Variants in CEP152 observed in about 807,000 individuals in gnomAD.
The protein encoded by CEP152 is centrosomal protein 152, also known as centrosomal protein of 152 kDa.
CEP152 carries 132 observed loss-of-function variants against 188.9 expected under a neutral mutation model. The ratio of observed to expected loss-of-function variants is 0.70; its 90% CI spans 0.61 to 0.81. The LOEUF is 0.81. Ranked by LOEUF, CEP152 falls within the 30% of genes least tolerant of loss-of-function variation. CEP152 has a pLI of 0.00. For missense variants in CEP152, 1,914 were observed against 1,969.8 expected (o/e 0.97, Z 0.54); for synonymous variants, 649 against 666.6 (o/e 0.97, Z 0.41).
At chr15:48,808,697 G>A (rs1898149911) in intron 1 of CEP152, among the ~76,000 whole-genome samples, 1 of 151,724 alleles carries the variant, frequency 6.6e-6, no homozygotes, top group South Asian at 2.1e-4. Context: ...TATTTTGTAT[G>A]GCTCATGAGT....
At chr15:48,797,904 T>C (rs138728416) in intron 3 of CEP152, 44 bp downstream of exon 3, 2 of 1,534,406 alleles carry the variant, frequency 1.3e-6, no homozygotes, top group African/African-American at 2.7e-5. Context: ...GAAAAAGACT[T>C]ATAGAATTGC....
intron 8 of CEP152, 169 bp from the exon 9 acceptor site, chr15:48,789,170 A>C: frequency 1.5e-6 from 1 of 656,206 alleles, no homozygotes; most frequent in Non-Finnish European, 2.7e-6. Context: ...AAACAACCCT[A>C]GCTGGGACCC....
chr15:48,805,711 A>G, intron 1 of CEP152, 55 bp from the exon 2 acceptor site: 1 of 1,608,984 alleles, frequency 6.2e-7, no homozygotes, highest in Non-Finnish European at 8.5e-7. Flanking sequence ...TCTCCCCAGG[A>G]CAAACTACAT....
At position 48,767,445 on chromosome 15, in the gene CEP152, CTGA is replaced by C. The variant is rs754565020; in HGVS notation, c.2034_2036del (p.Tyr678_Gln679delinsTer). Reference sequence around the variant, plus strand: ...GAGTTTTCATGGCTTCATGGTGCTGCTGATAAGTCCTTTCACACCTGGAAACAG... The same window carrying C: ...GAGTTTTCATGGCTTCATGGTGCTGCTAAGTCCTTTCACACCTGGAAACAG... On this transcript the variant is annotated stop_gained and inframe_deletion, in exon 16 of 27. Coordinates refer to ENST00000380950, the MANE Select transcript of CEP152 (RefSeq NM_001194998.2). LOFTEE classifies it high-confidence loss of function. 8 of 1,614,132 alleles carry C rather than the reference CTGA, an allele frequency of 5.0e-6. No homozygotes were observed. Among genetic ancestry groups the C allele is most frequent in the African/African-American group, 1.3e-5 (1 of 75,050 alleles).
At chr15:48,752,155 A>G (rs1893918722) in intron 21 of CEP152, among the ~76,000 whole-genome samples, 194 bp downstream of exon 21, 1 of 152,232 alleles carries the variant, frequency 6.6e-6, no homozygotes, top group Non-Finnish European at 1.5e-5. Flanking sequence ...TGAAGGGAAA[A>G]CCATAAATAG....
chr15:48,729,409 T>C (rs1444255006), intron 2 of CEP152: 1 of 152,110 alleles, frequency 6.6e-6, no homozygotes, highest in Non-Finnish European at 1.5e-5. Context: ...CAGTGCTGTG[T>C]ACCTGTAGTC....
chr15:48,766,106 GTTC>G (rs1430382235), intron 17 of CEP152, among the ~76,000 whole-genome samples: 1 of 151,966 alleles, frequency 6.6e-6, no homozygotes, highest in African/African-American at 2.4e-5. Flanking sequence ...CCCTTTAGAA[GTTC>G]TTTTTCCACT....
intron 5 of CEP152, 51 bp from the exon 6 acceptor site, chr15:48,796,211 A>G (rs1167649730): frequency 1.2e-6 from 2 of 1,601,368 alleles, no homozygotes; most frequent in African/African-American, 2.7e-5. Context: ...TTCTTCCAAA[A>G]TTATCTGAAT....
intron 7 of CEP152, 81 bp downstream of exon 7, chr15:48,793,240 G>A (rs1245554741): frequency 6.5e-7 from 1 of 1,542,248 alleles, no homozygotes; most frequent in Non-Finnish European, 8.9e-7. Flanking sequence ...TACTCTCTAA[G>A]CTTCGTATGT....
In CEP152 at chr15:48,781,208, G is replaced by T; in HGVS notation, c.1565C>A (p.Ser522Tyr). The T allele has an allele frequency of 6.2e-7, 1 of 1,613,254 alleles. No homozygotes were observed. The highest frequency in any genetic ancestry group is 2.2e-5 in the East Asian group (1 of 44,730). ...ATTCTTTCCATACCTGGTAACTTTGGATTTTTTCCAGTTGACCTTTTTAAT... is the reference window on the plus strand; with the variant it reads ...ATTCTTTCCATACCTGGTAACTTTGTATTTTTTCCAGTTGACCTTTTTAAT... ...LGIKKVNWKK[S>Y]KVTSIVQEED... Residue 522 changes from serine (S) to tyrosine (Y), a missense_variant, in exon 12 of 27, where the codon TCC becomes TAC. Coordinates refer to ENST00000380950, the MANE Select transcript of CEP152 (RefSeq NM_001194998.2).
chr15:48,741,520 C>T (rs755075542), intron 26 of CEP152, 81 bp downstream of exon 26: 15 of 1,610,080 alleles, frequency 9.3e-6, no homozygotes, highest in African/African-American at 1.3e-5. Context: ...CCTTACCTTC[C>T]CTGCCTTCTT....
At chr15:48,810,716 G>C (rs1898277134) in intron 1 of CEP152, 1 of 152,502 alleles carries the variant, frequency 6.6e-6, no homozygotes, top group South Asian at 2.1e-4. Flanking sequence ...GTCTCAGGGC[G>C]ACCCCAGCAG....
At chr15:48,788,500 ATT>A (rs879363516) in intron 9 of CEP152, among the ~76,000 whole-genome samples, 19 of 140,192 alleles carry the variant, frequency 1.4e-4, no homozygotes, top group Admixed American at 1.4e-4. Context: ...CGCCCGGCTA[ATT>A]TTTTTTTTTT....
rs140411543 is a variant in CEP152, at chr15:48,749,050, G to A, written c.3467-440C>T. Among the ~76,000 whole-genome samples, 572 of 152,210 alleles carry A rather than the reference G, an allele frequency of 3.8e-3. 4 individuals carry two copies. The highest frequency in any genetic ancestry group is 0.013 in the African/African-American group (557 of 41,550). ...AATACAGGCATGTCACAAGGACATA[G>A]GAGCCAGTTTGAAGGAGCTCCACTA... On this transcript the variant is annotated intron_variant, in intron 21 of 26. Transcript: ENST00000380950.
chr15:48,791,454 G>T (rs1185064204), intron 7 of CEP152, 78 bp from the exon 8 acceptor site: 4 of 1,227,778 alleles, frequency 3.3e-6, no homozygotes, highest in Non-Finnish European at 4.7e-6. Flanking sequence ...CAGATGTCAC[G>T]TCTGTATCAT....
At position 48,756,185 on chromosome 15, in the gene CEP152, G is replaced by A. The variant is rs770123187; in HGVS notation, c.3063C>T (p.Asp1021=). ...QKETELQTCL[D]QSRREWTMQE... is the part of the protein sequence containing the mutation. The stretch of plus-strand genomic sequence containing the variant: ...GCATAGTCCATTCTCTACGACTCTG[G>A]TCTAGACAAGTTTGTAATTCTGTCT... Residue 1021 remains aspartate (D), a synonymous_variant, in exon 20 of 27, where the codon GAC becomes GAT. Transcript: ENST00000380950. 1 of 1,613,930 alleles carries A rather than the reference G, an allele frequency of 6.2e-7. No homozygotes were observed. The highest frequency in any genetic ancestry group is 8.5e-7 in the Non-Finnish European group (1 of 1,179,956).
intron 13 of CEP152, among the ~76,000 whole-genome samples, chr15:48,769,833 G>A (rs143826377): frequency 6.6e-6 from 1 of 152,226 alleles, no homozygotes; most frequent in African/African-American, 2.4e-5. Context: ...AGACTTTGGC[G>A]AATTGCCTTC....
rs139475177 is a variant in CEP152 at position 48,754,762 on chromosome 15, C to T, written c.3345+1141G>A. Among the ~76,000 whole-genome samples, 536 of 152,202 alleles carry T rather than the reference C, an allele frequency of 3.5e-3. 3 individuals are homozygous for T. Among genetic ancestry groups the T allele is most frequent in the African/African-American group, 0.013 (520 of 41,526 alleles). ...CTAAGCTGTGCCATGCATATCCTACCCAAACCCAAGGAATTAGGCCGGGGA... is the reference window on the plus strand; with the variant it reads ...CTAAGCTGTGCCATGCATATCCTACTCAAACCCAAGGAATTAGGCCGGGGA... On this transcript the variant is annotated intron_variant, in intron 20 of 26. Coordinates refer to ENST00000380950, the MANE Select transcript of CEP152 (RefSeq NM_001194998.2).
chr15:48,797,431 T>A lies in CEP152; in HGVS notation c.410A>T (p.Lys137Ile), dbSNP rs773741601. Residue 137 changes from lysine (K) to isoleucine (I), a missense_variant, in exon 5 of 27, where the codon AAA (lysine) becomes ATA (isoleucine). Transcript: ENST00000380950. ...GTGATATAAATCAGTCTGTTCACAT[T>A]TACTTGGAGGACTATAACCACTTCC... ...EGGSGYSPPS[K>I]CEQTDLYHLP... is the part of the protein sequence containing the mutation. 6.2e-7 allele frequency: 1 copy of A among 1,614,066 alleles called. No homozygotes were observed. The highest frequency in any genetic ancestry group is 8.5e-7 in the Non-Finnish European group (1 of 1,180,028).
Sources: allele counts gnomAD v4.1 joint callset (sites outside exome capture counted in the v4.1 genomes callset), GRCh38; gene constraint gnomAD v4.1.1; transcripts MANE v1.5; gene names NCBI Gene and HGNC (gene_info 2026-07-23, HGNC 2026-07-21).